CFAP47: variants seen among roughly 807,000 people sequenced by gnomAD.
CFAP47 encodes the protein cilia and flagella associated protein 47.
In CFAP47, 29 loss-of-function variants were observed where a neutral mutation model predicts 148.1. The observed-to-expected ratio is 0.20, with a 90% CI of 0.15 to 0.27. The LOEUF is 0.27. Among genes scored for constraint, CFAP47 ranks in the 10% least tolerant of loss-of-function variants. The pLI, the probability that CFAP47 is intolerant of heterozygous loss-of-function variation, is 1.00. For synonymous variants in CFAP47, 664 were observed against 577.3 expected (o/e 1.15, Z -2.15); for missense variants, 1,872 against 1,697.5 (o/e 1.10, Z -1.81).
chrX:35,976,784 A>G (rs1490428943), intron 15 of CFAP47, among the ~76,000 whole-genome samples: 1 of 112,184 alleles, frequency 8.9e-6, no homozygotes, highest in Admixed American at 9.5e-5. Context: ...ATAAAATCCA[A>G]TTAATAAAAT....
At chrX:35,937,070 A>C (rs377137154) in intron 2 of CFAP47, among the ~76,000 whole-genome samples, 8 of 105,536 alleles carry the variant, frequency 7.6e-5, no homozygotes, top group African/African-American at 2.8e-4. Context: ...GCAGTGACAA[A>C]GAGGCTTTTC....
chrX:36,182,086 C>T (rs1179357653), intron 40 of CFAP47, among the ~76,000 whole-genome samples: 1 of 112,414 alleles, frequency 8.9e-6, no homozygotes, highest in African/African-American at 3.2e-5. Context: ...GCACGAAAAT[C>T]TGTATTCAGT....
chrX:36,222,003 TG>T (rs1400230687), intron 45 of CFAP47, among the ~76,000 whole-genome samples: 1 of 111,903 alleles, frequency 8.9e-6, no homozygotes, highest in East Asian at 2.8e-4. Flanking sequence ...TTGACTGTGC[TG>T]GTAATGATTG....
In CFAP47 at chrX:36,108,171, C is replaced by G. The variant is rs545079368; in HGVS notation, c.5320+3480C>G. Among the ~76,000 whole-genome samples the G allele has an allele frequency of 3.4e-4, 38 of 111,306 alleles. No homozygotes were observed. The South Asian group carries it at 6.1e-3, about 18-fold the overall frequency. On this transcript the variant is annotated intron_variant, in intron 33 of 63. Coordinates refer to ENST00000378653, the MANE Select transcript of CFAP47 (RefSeq NM_001304548.2). The stretch of plus-strand genomic sequence containing the variant: ...GGCTTTCTTTGTGGCTCTCAAGACC[C>G]TCCTTAGCATTCTCTGTTCAAGGTC...
chrX:36,246,527 C>G (rs782453248), intron 48 of CFAP47, among the ~76,000 whole-genome samples: 1 of 111,487 alleles, frequency 9.0e-6, no homozygotes, highest in Non-Finnish European at 1.9e-5. Flanking sequence ...GGGAGAGGAA[C>G]AAGCAGGGGA....
intron 33 of CFAP47, among the ~76,000 whole-genome samples, chrX:36,126,904 A>C (rs1430228619): frequency 8.9e-6 from 1 of 112,217 alleles, no homozygotes; most frequent in Non-Finnish European, 1.9e-5. Flanking sequence ...TCTTTTGAGA[A>C]ATGTCTGTTC....
At chrX:36,314,767 T>C (rs1179686531) in intron 56 of CFAP47, among the ~76,000 whole-genome samples, 1 of 111,987 alleles carries the variant, frequency 8.9e-6, no homozygotes, top group Non-Finnish European at 1.9e-5. Flanking sequence ...AGAGTGGAGA[T>C]ATGCTAGGAT....
intron 58 of CFAP47, among the ~76,000 whole-genome samples, chrX:36,349,390 G>A (rs1171035905): frequency 9.0e-6 from 1 of 111,066 alleles, no homozygotes; most frequent in African/African-American, 3.3e-5. Flanking sequence ...AGCCTCCTAA[G>A]TAGCCAAGAT....
chrX:36,276,883 A>G (rs1556002790), intron 49 of CFAP47, among the ~76,000 whole-genome samples: 1 of 111,809 alleles, frequency 8.9e-6, no homozygotes, highest in African/African-American at 3.2e-5. Flanking sequence ...TGAGTCTAGT[A>G]CATGACTACC....
intron 57 of CFAP47, among the ~76,000 whole-genome samples, chrX:36,327,581 A>T (rs957127233): frequency 5.4e-5 from 6 of 111,999 alleles, no homozygotes; most frequent in Non-Finnish European, 1.1e-4. Flanking sequence ...AAGTTAAAAC[A>T]GAGCGTCCAT....
intron 49 of CFAP47, among the ~76,000 whole-genome samples, chrX:36,267,184 T>G (rs1556001166): frequency 8.9e-6 from 1 of 111,921 alleles, no homozygotes; most frequent in African/African-American, 3.3e-5. Flanking sequence ...CTTCTTAATT[T>G]GATTTGCAAA....
intron 33 of CFAP47, among the ~76,000 whole-genome samples, chrX:36,112,066 T>C (rs1248273483): frequency 9.0e-6 from 1 of 111,610 alleles, no homozygotes; most frequent in Non-Finnish European, 1.9e-5. Context: ...GATTTGTTCA[T>C]CTTTTGAATG....
At chrX:36,348,885 G>T (rs1259579679) in intron 58 of CFAP47, among the ~76,000 whole-genome samples, 2 of 111,528 alleles carry the variant, frequency 1.8e-5, no homozygotes, top group African/African-American at 3.3e-5. Context: ...TGATAATCTG[G>T]AAATCTTAGT....
At chrX:36,264,716 A>C (rs1165447596) in intron 49 of CFAP47, among the ~76,000 whole-genome samples, 1 of 111,685 alleles carries the variant, frequency 9.0e-6, no homozygotes, top group Non-Finnish European at 1.9e-5. Flanking sequence ...GCCAAGTACT[A>C]AGAGGGCACA....
chrX:36,289,888 TG>T (rs1371915789), intron 51 of CFAP47, among the ~76,000 whole-genome samples: 1 of 111,351 alleles, frequency 9.0e-6, no homozygotes, highest in Non-Finnish European at 1.9e-5. Flanking sequence ...CAACTGTCTG[TG>T]CTTCACTGAA....
chrX:36,339,760 G>A (rs1335192642), intron 57 of CFAP47, among the ~76,000 whole-genome samples: 1 of 111,685 alleles, frequency 9.0e-6, no homozygotes, highest in Non-Finnish European at 1.9e-5. Flanking sequence ...GTATAATTTT[G>A]TTATTTGTGC....
chrX:36,369,506 G>A (rs1556020950), intron 62 of CFAP47, among the ~76,000 whole-genome samples: 6 of 110,884 alleles, frequency 5.4e-5, no homozygotes, highest in Non-Finnish European at 1.9e-5. Flanking sequence ...CTAATGTGCA[G>A]ATTTGAGATA....
intron 1 of CFAP47, among the ~76,000 whole-genome samples, chrX:35,923,105 T>C (rs1935603598): frequency 9.0e-6 from 1 of 111,045 alleles, no homozygotes; most frequent in Admixed American, 9.7e-5. Flanking sequence ...TTTCAAGGGG[T>C]TTGTAGTCTG....
In CFAP47 at chrX:36,363,488, C is replaced by T. The variant is rs147147864; in HGVS notation, c.9023+1987C>T. 6.8e-3 allele frequency among the ~76,000 whole-genome samples: 755 copies of T among 111,257 alleles called. 3 individuals are homozygous for T. Among genetic ancestry groups the T allele is most frequent in the African/African-American group, 0.023 (711 of 30,692 alleles). The stretch of plus-strand genomic sequence containing the variant: ...CAGTATTATAATCATATGGAACAAC[C>T]GTTGTATGTACAGTTCATCATTGAC... On this transcript the variant is annotated intron_variant, in intron 61 of 63. Transcript: ENST00000378653.
Sources: allele counts gnomAD v4.1 joint callset (sites outside exome capture counted in the v4.1 genomes callset), GRCh38; gene constraint gnomAD v4.1.1; transcripts MANE v1.5; gene names NCBI Gene and HGNC (gene_info 2026-07-23, HGNC 2026-07-21).